OSBPL10: variants seen among roughly 807,000 people sequenced by gnomAD.
OSBPL10 encodes the protein oxysterol-binding protein-related protein 10.
A neutral mutation model predicts 81.7 loss-of-function variants in OSBPL10; 49 were observed. The ratio of observed to expected loss-of-function variants is 0.60; its 90% CI spans 0.48 to 0.76. The LOEUF (loss-of-function observed/expected upper bound fraction) is 0.76, where lower values mean the gene tolerates loss of function less well. Ranked by LOEUF, OSBPL10 falls within the 30% of genes least tolerant of loss-of-function variation. The pLI, the probability that OSBPL10 is intolerant of heterozygous loss-of-function variation, is 0.00. For synonymous variants in OSBPL10, 419 were observed against 383.6 expected, an observed-to-expected ratio of 1.09 and a Z score of -1.08; for missense variants, 923 against 987.8, an observed-to-expected ratio of 0.93 and a Z score of 0.88.
At chr3:31,898,911 A>G (rs954111513) in intron 1 of OSBPL10, among the ~76,000 whole-genome samples, 7 of 146,872 alleles carry the variant, frequency 4.8e-5, no homozygotes, top group African/African-American at 7.4e-5. Flanking sequence ...AAAATATTCA[A>G]CTGGGTTTGG....
chr3:31,985,712 A>G (rs1489792170), upstream of OSBPL10, among the ~76,000 whole-genome samples: 1 of 152,236 alleles, frequency 6.6e-6, no homozygotes, highest in Non-Finnish European at 1.5e-5. Context: ...TCTGATATCA[A>G]CTTGGTCATG....
At chr3:31,668,363 A>G (rs1377881011) in intron 10 of OSBPL10, among the ~76,000 whole-genome samples, 2 of 152,228 alleles carry the variant, frequency 1.3e-5, no homozygotes, top group Admixed American at 6.5e-5. Flanking sequence ...CTTTGCAATT[A>G]AGCAACAGAT....
At chr3:32,069,633 A>C (rs2125448215) in intron 1 of OSBPL10, among the ~76,000 whole-genome samples, 1 of 152,256 alleles carries the variant, frequency 6.6e-6, no homozygotes, top group Non-Finnish European at 1.5e-5. Flanking sequence ...CTGACATTAG[A>C]AAAAAGCTTT....
chr3:31,815,604 G>T (rs1212657507), intron 4 of OSBPL10, among the ~76,000 whole-genome samples: 1 of 152,132 alleles, frequency 6.6e-6, no homozygotes, highest in Non-Finnish European at 1.5e-5. Context: ...TGGAAAGATG[G>T]GAATGACCAA....
At chr3:31,780,837 C>T (rs946877377) in intron 4 of OSBPL10, among the ~76,000 whole-genome samples, 6 of 149,210 alleles carry the variant, frequency 4.0e-5, no homozygotes, top group Admixed American at 2.0e-4. Context: ...CCCCACCCCC[C>T]CAAAAAACAG....
At chr3:31,715,993 G>A (rs1376315756) in intron 6 of OSBPL10, among the ~76,000 whole-genome samples, 1 of 152,206 alleles carries the variant, frequency 6.6e-6, no homozygotes, top group Non-Finnish European at 1.5e-5. Context: ...CTCTACGGCA[G>A]GGACAGCAGA....
chr3:31,926,731 G>C (rs1416258848), intron 1 of OSBPL10, among the ~76,000 whole-genome samples: 1 of 152,134 alleles, frequency 6.6e-6, no homozygotes, highest in East Asian at 1.9e-4. Flanking sequence ...TCATGCAGAG[G>C]TTATTACTTT....
At chr3:31,871,328 C>G (rs1282417899) in intron 3 of OSBPL10, among the ~76,000 whole-genome samples, 1 of 152,112 alleles carries the variant, frequency 6.6e-6, no homozygotes, top group Non-Finnish European at 1.5e-5. Context: ...GTAACACTCA[C>G]TACGAAGGAC....
rs187906822 is a variant in OSBPL10 at position 31,802,859 on chromosome 3, G to A, written c.729+27181C>T. 1.1e-4 allele frequency among the ~76,000 whole-genome samples: 17 copies of A among 152,198 alleles called. No homozygotes were observed. In the East Asian group the frequency reaches 3.3e-3, roughly 29 times the overall value. On this transcript the variant is annotated intron_variant, in intron 4 of 11. Transcript: ENST00000396556. ...TAGCCAGGGTTGACCCAGGATGGAA[G>A]CTTGTGCCAGTGATCAAAGAGCCAC... is the stretch of plus-strand genomic sequence containing the variant.
At chr3:31,906,932 A>G (rs1397200181) in intron 1 of OSBPL10, 3 of 152,232 alleles carry the variant, frequency 2.0e-5, no homozygotes, top group Non-Finnish European at 4.4e-5. Flanking sequence ...AGAAGGTTTT[A>G]TGTTAAGAGA....
At chr3:31,893,090 C>CT (rs1187943731) in intron 1 of OSBPL10, among the ~76,000 whole-genome samples, 1 of 152,064 alleles carries the variant, frequency 6.6e-6, no homozygotes, top group Non-Finnish European at 1.5e-5. Flanking sequence ...AATGTGCTCC[C>CT]TCCTAACAAG....
At chr3:32,068,650 T>C (rs893291993) in intron 1 of OSBPL10, among the ~76,000 whole-genome samples, 1 of 152,118 alleles carries the variant, frequency 6.6e-6, no homozygotes, top group East Asian at 1.9e-4. Flanking sequence ...TTTTGATTTC[T>C]CCATCCTACG....
At chr3:31,853,958 A>G (rs955075757) in intron 3 of OSBPL10, among the ~76,000 whole-genome samples, 1 of 152,214 alleles carries the variant, frequency 6.6e-6, no homozygotes, top group African/African-American at 2.4e-5. Context: ...AGCAAGACAT[A>G]TCTTATAAGG....
intron 1 of OSBPL10, among the ~76,000 whole-genome samples, chr3:32,070,793 C>T (rs1368627155): frequency 6.6e-6 from 1 of 152,196 alleles, no homozygotes; most frequent in African/African-American, 2.4e-5. Flanking sequence ...GTCCTCAATA[C>T]CTTCCTCCAC....
At chr3:31,704,433 G>A (rs1005173482) in intron 6 of OSBPL10, among the ~76,000 whole-genome samples, 4 of 152,242 alleles carry the variant, frequency 2.6e-5, no homozygotes, top group Admixed American at 1.3e-4. Context: ...CCAGCTGGGG[G>A]AGGAGAGGGT....
chr3:31,662,868 A>T (rs1045732346), intron 11 of OSBPL10: 73 of 985,376 alleles, frequency 7.4e-5, no homozygotes, highest in Non-Finnish European at 8.7e-5. Flanking sequence ...CTAACCTCAC[A>T]GAAGGATCTT....
chr3:32,025,450 A>T (rs1699394693), intron 2 of OSBPL10, among the ~76,000 whole-genome samples: 1 of 152,132 alleles, frequency 6.6e-6, no homozygotes, highest in Admixed American at 6.5e-5. Context: ...TTCATGAGGA[A>T]TATTGGTCTG....
chr3:31,810,393 T>C (rs1258659235), intron 4 of OSBPL10, among the ~76,000 whole-genome samples: 2 of 152,096 alleles, frequency 1.3e-5, no homozygotes, highest in Admixed American at 6.5e-5. Context: ...CTTGAAAACA[T>C]AATTTTAAAA....
At chr3:31,893,576 C>G (rs968781027) in intron 1 of OSBPL10, among the ~76,000 whole-genome samples, 1 of 152,188 alleles carries the variant, frequency 6.6e-6, no homozygotes, top group African/African-American at 2.4e-5. Context: ...CAAAGACTTA[C>G]ATGCGAATGT....
Sources: gnomAD v4.1 joint callset for allele counts (sites outside exome capture counted in the v4.1 genomes callset) on GRCh38, gnomAD v4.1.1 for gene constraint, MANE v1.5 for transcripts, NCBI Gene and HGNC (gene_info 2026-07-23, HGNC 2026-07-21) for gene names.